Variants in PIP5K1C observed in about 807,000 individuals in gnomAD.
PIP5K1C encodes phosphatidylinositol 4-phosphate 5-kinase type-1 gamma.
Under a neutral mutation model 80.1 loss-of-function variants are expected in PIP5K1C, and 45 were observed. The observed-to-expected ratio is 0.56, with a 90% CI of 0.44 to 0.72. PIP5K1C has a LOEUF of 0.72. Among genes scored for constraint, PIP5K1C ranks in the 30% least tolerant of loss-of-function variants. PIP5K1C has a pLI of 0.00. For missense variants in PIP5K1C, 753 were observed against 954.6 expected, an observed-to-expected ratio of 0.79 and a Z score of 2.78; for synonymous variants, 498 against 420.1, an observed-to-expected ratio of 1.19 and a Z score of -2.27.
intron 12 of PIP5K1C, among the ~76,000 whole-genome samples, chr19:3,643,716 G>A (rs2034084273): frequency 1.5e-5 from 2 of 130,966 alleles, no homozygotes; most frequent in South Asian, 5.5e-4. Flanking sequence ...TGGCCACACG[G>A]GCTCCTTGCT....
At chr19:3,668,074 G>A (rs1009493216) in intron 1 of PIP5K1C, among the ~76,000 whole-genome samples, 11 of 152,216 alleles carry the variant, frequency 7.2e-5, no homozygotes, top group African/African-American at 2.4e-4. Flanking sequence ...CGCAGCCTCC[G>A]GTCAGCGCAG....
rs767402462 is a variant in PIP5K1C, at chr19:3,662,446, C to T, written c.220-445G>A. On this transcript the variant is annotated intron_variant, in intron 3 of 17. Transcript: ENST00000335312. ...CGTTAGCTGCTTTCTATGTAACGCACGTGGTCACACTGGGCAACCCACATG... is the reference window on the plus strand; with the variant it reads ...CGTTAGCTGCTTTCTATGTAACGCATGTGGTCACACTGGGCAACCCACATG... Among the ~76,000 whole-genome samples, 24 of 152,356 alleles carry T rather than the reference C, an allele frequency of 1.6e-4. No individual in the cohort carries two copies. The East Asian group carries it at 2.1e-3, about 13-fold the overall frequency.
intron 1 of PIP5K1C, among the ~76,000 whole-genome samples, chr19:3,685,679 G>C (rs1258473968): frequency 6.6e-6 from 1 of 151,584 alleles, no homozygotes; most frequent in Non-Finnish European, 1.5e-5. Context: ...GCAGTGAGCT[G>C]AGATCATGCC....
chr19:3,651,039 A>G (rs971864471), intron 8 of PIP5K1C, among the ~76,000 whole-genome samples: 1 of 142,272 alleles, frequency 7.0e-6, no homozygotes, highest in African/African-American at 2.7e-5. Context: ...TACAGGTGTG[A>G]GCCACCGCGC....
intron 6 of PIP5K1C, among the ~76,000 whole-genome samples, chr19:3,656,076 C>T (rs2034619003): frequency 1.3e-5 from 2 of 152,326 alleles, no homozygotes; most frequent in Middle Eastern, 3.4e-3. Flanking sequence ...AGACGCTGCC[C>T]GCAGGCTGCT....
At chr19:3,664,964 G>A (rs751064988) in intron 2 of PIP5K1C, 50 bp from the exon 3 acceptor site, 51 of 1,407,462 alleles carry the variant, frequency 3.6e-5, no homozygotes, top group Non-Finnish European at 4.5e-5. Flanking sequence ...CACGCCCACC[G>A]GGACAGGGCA....
chr19:3,664,476 T>A (rs1043383003), intron 3 of PIP5K1C, among the ~76,000 whole-genome samples: 6 of 151,956 alleles, frequency 3.9e-5, no homozygotes, highest in African/African-American at 1.2e-4. Flanking sequence ...AGCCTCAGAG[T>A]GTCCCATCCA....
At position 3,691,943 on chromosome 19, in the gene PIP5K1C, C is replaced by G. The variant is rs539701032; in HGVS notation, c.94+8354G>C. On this transcript the variant is annotated intron_variant, in intron 1 of 17. Coordinates refer to ENST00000335312, the MANE Select transcript of PIP5K1C (RefSeq NM_012398.3). ...GCTCATACGCGCCCACAGGCACAGG[C>G]CCCGAGGCAGCTGCTCCCACCCCAG... Among the ~76,000 whole-genome samples, 4 of 152,238 alleles carry G rather than the reference C, an allele frequency of 2.6e-5. No homozygotes were observed. In the South Asian group the frequency reaches 8.3e-4, roughly 31 times the overall value.
intron 1 of PIP5K1C, among the ~76,000 whole-genome samples, chr19:3,678,466 A>C (rs1008616384): frequency 3.5e-5 from 3 of 84,964 alleles, no homozygotes; most frequent in Non-Finnish European, 7.3e-5. Context: ...GGGATGGAGG[A>C]TGGAGGGATG....
chr19:3,660,941 A>T (rs1399844843), intron 5 of PIP5K1C, 25 bp downstream of exon 5: 1 of 1,561,878 alleles, frequency 6.4e-7, no homozygotes, highest in South Asian at 1.1e-5. Flanking sequence ...CAAGCCTGGA[A>T]GCCCGTAACA....
chr19:3,634,624 C>T (rs1238800327), intron 16 of PIP5K1C, among the ~76,000 whole-genome samples: 1 of 152,250 alleles, frequency 6.6e-6, no homozygotes. Flanking sequence ...CCACCTGCTG[C>T]CCAGGCCAAC....
At chr19:3,686,908 C>A (rs1269134705) in intron 1 of PIP5K1C, among the ~76,000 whole-genome samples, 1 of 151,104 alleles carries the variant, frequency 6.6e-6, no homozygotes. Context: ...AAAAACAGAT[C>A]AAGGCCAGGT....
At chr19:3,655,107 C>CAAAAA (rs545856738) in intron 6 of PIP5K1C, among the ~76,000 whole-genome samples, 1 of 45,868 alleles carries the variant, frequency 2.2e-5, no homozygotes, top group Non-Finnish European at 3.6e-5. Flanking sequence ...GACTCCATCT[C>CAAAAA]AAAAAAAAAA....
At chr19:3,690,977 C>T (rs2035931221) in intron 1 of PIP5K1C, among the ~76,000 whole-genome samples, 1 of 152,138 alleles carries the variant, frequency 6.6e-6, no homozygotes, top group Admixed American at 6.5e-5. Context: ...CTGGTGGGGA[C>T]ACTCCATTTT....
At chr19:3,685,172 T>C (rs1415863349) in intron 1 of PIP5K1C, among the ~76,000 whole-genome samples, 7 of 152,102 alleles carry the variant, frequency 4.6e-5, no homozygotes, top group African/African-American at 1.7e-4. Flanking sequence ...CTGCCAGCAA[T>C]GGGTTGGGGA....
At chr19:3,681,522 G>A (rs922022706) in intron 1 of PIP5K1C, among the ~76,000 whole-genome samples, 2 of 152,068 alleles carry the variant, frequency 1.3e-5, no homozygotes, top group Admixed American at 1.3e-4. Context: ...ATGAGCCACC[G>A]CGCCTGGCCC....
At chr19:3,643,946 A>G (rs532108751) in intron 12 of PIP5K1C, 141 bp downstream of exon 12, 5 of 1,009,330 alleles carry the variant, frequency 5.0e-6, no homozygotes, top group Non-Finnish European at 7.3e-6. Flanking sequence ...AGCAGCCCCC[A>G]CTCCCTGGGC....
intron 16 of PIP5K1C, chr19:3,638,028 T>G: frequency 6.7e-7 from 1 of 1,489,840 alleles, no homozygotes; most frequent in Admixed American, 2.1e-5. Context: ...GCAGGGGAGT[T>G]AGTTATGAAG....
At chr19:3,656,275 G>T in intron 6 of PIP5K1C, 130 bp downstream of exon 6, 1 of 997,790 alleles carries the variant, frequency 1.0e-6, no homozygotes, top group Non-Finnish European at 1.5e-6. Flanking sequence ...GTGAGTCCCC[G>T]GGACCCAAGA....
Sources: allele counts gnomAD v4.1 joint callset (sites outside exome capture counted in the v4.1 genomes callset), GRCh38; gene constraint gnomAD v4.1.1; transcripts MANE v1.5; gene names NCBI Gene and HGNC (gene_info 2026-07-23, HGNC 2026-07-21).